Variants in FHIT observed in about 807,000 individuals in gnomAD.
FHIT encodes fragile histidine triad diadenosine triphosphatase.
In FHIT, 19 loss-of-function variants were observed where a neutral mutation model predicts 17.9. That is an observed-to-expected ratio of 1.06 (90% CI 0.74 to 1.56). FHIT has a LOEUF of 1.56. FHIT is among the 40% of genes most tolerant of loss of function. The pLI, the probability that FHIT is intolerant of heterozygous loss-of-function variation, is 0.00. For synonymous variants in FHIT, 81 were observed against 69.7 expected, an observed-to-expected ratio of 1.16 and a Z score of -0.81; for missense variants, 248 against 189.2, an observed-to-expected ratio of 1.31 and a Z score of -1.82.
chr3:61,030,186 T>C (rs1027557782), intron 3 of FHIT, among the ~76,000 whole-genome samples: 2 of 152,100 alleles, frequency 1.3e-5, no homozygotes, highest in East Asian at 3.9e-4. Flanking sequence ...CCTAGGCTGG[T>C]CTTGAACTCC....
chr3:60,433,238 T>A (rs1017176355), intron 5 of FHIT, among the ~76,000 whole-genome samples: 1 of 152,116 alleles, frequency 6.6e-6, no homozygotes, highest in Admixed American at 6.6e-5. Context: ...TTATCTCCTA[T>A]GACAAGGTGA....
At chr3:60,319,488 G>A (rs989943951) in intron 5 of FHIT, among the ~76,000 whole-genome samples, 7 of 151,980 alleles carry the variant, frequency 4.6e-5, no homozygotes, top group Non-Finnish European at 7.4e-5. Context: ...ATGATGGAAC[G>A]GTATATAGAT....
chr3:61,089,233 C>A (rs2035400075), intron 2 of FHIT, among the ~76,000 whole-genome samples: 1 of 152,148 alleles, frequency 6.6e-6, no homozygotes, highest in African/African-American at 2.4e-5. Context: ...GGTAAGATAT[C>A]CGTAACGTAA....
In FHIT at chr3:61,022,830, T is replaced by C. The variant is rs571327342; in HGVS notation, c.-111+19217A>G. Among the ~76,000 whole-genome samples, 6 of 152,324 alleles carry C rather than the reference T, an allele frequency of 3.9e-5. No homozygotes were observed. In the East Asian group the frequency reaches 1.2e-3, roughly 29 times the overall value. On this transcript the variant is annotated intron_variant, in intron 3 of 9. Coordinates refer to ENST00000492590, the MANE Select transcript of FHIT (RefSeq NM_002012.4). ...TAAAAACGCTCAATAAACTAGGTAT[T>C]GATGGAACAGATCTCAAAATAATAA...
intron 8 of FHIT, among the ~76,000 whole-genome samples, chr3:59,792,873 G>C (rs943534616): frequency 2.4e-5 from 2 of 82,186 alleles, no homozygotes; most frequent in South Asian, 5.0e-4. Context: ...CTTATTTTTT[G>C]GGGGGGGGGG....
In FHIT at chr3:59,752,221, C is replaced by CTG; in HGVS notation, c.*3_*4dup. On this transcript the variant is annotated splice_region_variant and 3_prime_UTR_variant, in exon 9 of 10. Transcript: ENST00000492590. ...GGTAATGACGAAATGCAGTCTTTACCTGTGTCACTGAAAGTAGACCCGCAG... is the reference window on the plus strand; with the variant it reads ...GGTAATGACGAAATGCAGTCTTTACCTGTGTGTCACTGAAAGTAGACCCGCAG... The CTG allele has an allele frequency of 1.2e-6, 2 of 1,609,170 alleles. No homozygotes were observed. The highest frequency in any genetic ancestry group is 1.7e-6 in the Non-Finnish European group (2 of 1,176,280).
chr3:60,042,435 G>A (rs370206131), intron 5 of FHIT, among the ~76,000 whole-genome samples: 10 of 152,118 alleles, frequency 6.6e-5, no homozygotes, highest in African/African-American at 1.9e-4. Flanking sequence ...CTGAGGACAG[G>A]GGCCTAAACC....
chr3:60,279,757 G>A (rs1039276024), intron 5 of FHIT, among the ~76,000 whole-genome samples: 8 of 152,002 alleles, frequency 5.3e-5, no homozygotes, highest in African/African-American at 1.7e-4. Context: ...CTGGTGGAAC[G>A]TTCAAAAACT....
intron 1 of FHIT, among the ~76,000 whole-genome samples, chr3:61,203,071 T>C (rs2106692704): frequency 6.6e-6 from 1 of 151,330 alleles, no homozygotes; most frequent in South Asian, 2.1e-4. Context: ...TCCCAGCTAC[T>C]TGGGAGGCTG....
chr3:60,295,563 C>T (rs536023995), intron 5 of FHIT, among the ~76,000 whole-genome samples: 5 of 152,166 alleles, frequency 3.3e-5, no homozygotes, highest in Admixed American at 2.6e-4. Context: ...ACCCGGACAG[C>T]ACTAAGCCAT....
At chr3:59,789,929 C>T (rs541810676) in intron 8 of FHIT, among the ~76,000 whole-genome samples, 2 of 152,326 alleles carry the variant, frequency 1.3e-5, no homozygotes, top group Non-Finnish European at 2.9e-5. Flanking sequence ...ATAAAAGTGA[C>T]TCTGCACAAA....
rs199877968 is a variant in FHIT, at chr3:59,845,173, GT to G, written c.348+77172del. On this transcript the variant is annotated intron_variant, in intron 8 of 9. Transcript: ENST00000492590. ...TGATTTTATTAATTTTAGACTTCTG[GT>G]TTTTTTTCTTAGTCTAGCTAAAATT... is the stretch of plus-strand genomic sequence containing the variant. 8.0e-3 allele frequency among the ~76,000 whole-genome samples: 1,208 copies of G among 151,478 alleles called. 3 individuals are homozygous for G. Among genetic ancestry groups the G allele is most frequent in the Non-Finnish European group, 0.013 (890 of 67,782 alleles).
intron 3 of FHIT, among the ~76,000 whole-genome samples, chr3:60,844,352 A>T (rs1553745856): frequency 6.6e-6 from 1 of 152,042 alleles, no homozygotes; most frequent in African/African-American, 2.4e-5. Context: ...AGATTTTCTT[A>T]GGTATTTCAT....
intron 3 of FHIT, among the ~76,000 whole-genome samples, chr3:61,034,448 CA>C (rs929416796): frequency 6.6e-6 from 1 of 151,724 alleles, no homozygotes; most frequent in Non-Finnish European, 1.5e-5. Context: ...ACAAAAACAA[CA>C]AAAAAACCAG....
intron 5 of FHIT, among the ~76,000 whole-genome samples, chr3:60,518,704 G>A (rs753912695): frequency 7.2e-5 from 11 of 152,112 alleles, no homozygotes; most frequent in African/African-American, 1.9e-4. Context: ...TTATACCATC[G>A]TTAAAAATTT....
chr3:60,591,017 T>A (rs1277011183), intron 4 of FHIT, among the ~76,000 whole-genome samples: 1 of 152,002 alleles, frequency 6.6e-6, no homozygotes, highest in African/African-American at 2.4e-5. Flanking sequence ...CTAAACCCCA[T>A]GAAAGTCAGC....
intron 5 of FHIT, among the ~76,000 whole-genome samples, chr3:60,126,349 G>A (rs1439585406): frequency 1.3e-5 from 2 of 152,094 alleles, no homozygotes; most frequent in African/African-American, 4.8e-5. Context: ...AAGTTCTCTG[G>A]AGCGCAGCCT....
At chr3:60,320,592 G>A (rs1218195377) in intron 5 of FHIT, among the ~76,000 whole-genome samples, 1 of 152,160 alleles carries the variant, frequency 6.6e-6, no homozygotes, top group Non-Finnish European at 1.5e-5. Context: ...TGCTCTGAAT[G>A]TCACATTCGA....
chr3:60,944,738 T>C (rs1293451086), intron 3 of FHIT, among the ~76,000 whole-genome samples: 2 of 152,274 alleles, frequency 1.3e-5, no homozygotes, highest in African/African-American at 2.4e-5. Flanking sequence ...AAAGGAAGTT[T>C]CCCAATTTTT....
Sources: gnomAD v4.1 joint callset for allele counts (sites outside exome capture counted in the v4.1 genomes callset) on GRCh38, gnomAD v4.1.1 for gene constraint, MANE v1.5 for transcripts, NCBI Gene and HGNC (gene_info 2026-07-23, HGNC 2026-07-21) for gene names.